Variants in MCM7 observed in about 807,000 individuals in gnomAD.
MCM7 encodes the protein minichromosome maintenance complex component 7.
MCM7 carries 95 observed loss-of-function variants against 83.5 expected under a neutral mutation model. The observed-to-expected ratio is 1.14, with a 90% CI of 0.96 to 1.35. MCM7 has a LOEUF of 1.35. MCM7 is among the 40% of genes most tolerant of loss of function. The pLI, the probability that MCM7 is intolerant of heterozygous loss-of-function variation, is 0.00. For missense variants in MCM7, 1,087 were observed against 957.4 expected (o/e 1.14, Z -1.79); for synonymous variants, 461 against 352.7 (o/e 1.31, Z -3.44).
rs760946801 is a variant in MCM7, at chr7:100,098,755, G to T, written c.583-40C>A. 3.7e-6 allele frequency: 6 copies of T among 1,610,936 alleles called. No individual in the cohort carries two copies. In the East Asian group the frequency reaches 1.1e-4, roughly 30 times the overall value. ...CAGAAACACCAAAGGAACTCAGAAG[G>T]AAAAGAGCCCCATTGGGTCGGTCCT... On this transcript the variant is annotated intron_variant, in intron 5 of 14. Transcript: ENST00000303887.
rs1795492251 is a variant in MCM7, at chr7:100,094,171, A to G, written c.1848+2T>C. 6.2e-7 allele frequency: 1 copy of G among 1,614,074 alleles called. No individual in the cohort carries two copies. The highest frequency in any genetic ancestry group is 1.3e-5 in the African/African-American group (1 of 74,944). ...TGGCCCTCCAGCAATTTGGGCACTT[A>G]CCAGAGCAGTGGAAAGGCGCAGGAT... On this transcript the variant is annotated splice_donor_variant, in intron 13 of 14. Transcript: ENST00000303887. LOFTEE classifies it high-confidence loss of function.
chr7:100,096,883 A>T (rs1206377409), intron 10 of MCM7, among the ~76,000 whole-genome samples: 2 of 152,232 alleles, frequency 1.3e-5, no homozygotes, highest in East Asian at 3.8e-4. Context: ...CGGGCGGATC[A>T]CGAGGTCAGG....
At chr7:100,095,125 G>A (rs117088758) in intron 12 of MCM7, among the ~76,000 whole-genome samples, 6,072 of 152,312 alleles carry the variant, frequency 0.04, 125 homozygotes, top group Middle Eastern at 0.068. Flanking sequence ...GTTGCAGAGA[G>A]CTGAGATCAC....
Position 100,092,841 on chromosome 7 carries a change from C to T in MCM7, c.*91G>A. Reference sequence around the variant, plus strand: ...AAGTGCAGCATGGGAGAAAGAGGGGCTCCTCCTTCCCCTCAAAGGCATCAC... The same window carrying T: ...AAGTGCAGCATGGGAGAAAGAGGGGTTCCTCCTTCCCCTCAAAGGCATCAC... On this transcript the variant is annotated 3_prime_UTR_variant, in exon 15 of 15. Coordinates refer to ENST00000303887, the MANE Select transcript of MCM7 (RefSeq NM_005916.5). 7 of 1,325,458 alleles carry T rather than the reference C, an allele frequency of 5.3e-6. No individual in the cohort carries two copies. The highest frequency in any genetic ancestry group is 7.5e-6 in the Non-Finnish European group (7 of 927,544). 82.1% of individuals were successfully genotyped at this position (1,325,458 alleles called of 1,614,324 possible).
chr7:100,098,752 A>C (rs749381623), intron 5 of MCM7, 37 bp from the exon 6 acceptor site: 2 of 1,611,536 alleles, frequency 1.2e-6, no homozygotes, highest in South Asian at 2.2e-5. Context: ...AGGAACTCAG[A>C]AGGAAAAGAG....
rs759155270 is a variant in MCM7, at chr7:100,099,592, C to T, written c.273G>A (p.Arg91=). 12 of 1,613,878 alleles carry T rather than the reference C, an allele frequency of 7.4e-6. No homozygotes were observed. The highest frequency in any genetic ancestry group is 1.0e-5 in the Non-Finnish European group (12 of 1,179,990). Reference sequence around the variant, plus strand: ...CCATTGTTCTCTAACCACTCACTTCCCTCTCCTTGTACTGAGGCAGCAGCT... The same window carrying T: ...CCATTGTTCTCTAACCACTCACTTCTCTCTCCTTGTACTGAGGCAGCAGCT... ...VQELLPQYKE[R]EVVNKDVLDV... The change falls in exon 3 of 15, where the codon AGG becomes AGA. Residue 91 remains arginine, a synonymous_variant. Transcript: ENST00000303887.
intron 1 of MCM7, 199 bp downstream of exon 1, chr7:100,101,065 C>G: frequency 1.4e-6 from 1 of 740,104 alleles, no homozygotes; most frequent in Non-Finnish European, 2.2e-6. Flanking sequence ...GGATTACTAG[C>G]TTTTCTTCAA....
intron 11 of MCM7, 64 bp downstream of exon 11, chr7:100,095,710 C>A (rs1031118823): frequency 4.0e-6 from 6 of 1,501,612 alleles, no homozygotes; most frequent in African/African-American, 2.8e-5. Flanking sequence ...TTCTGATTCA[C>A]CTCTCCTCCT....
rs2307352 is a variant in MCM7, at chr7:100,093,255, A to C, written c.1958+37T>G. 14,991 of 1,604,020 alleles carry C rather than the reference A, an allele frequency of 9.3e-3. 124 individuals carry two copies. Among genetic ancestry groups the C allele is most frequent in the South Asian group, 0.022 (2,038 of 90,914 alleles). On this transcript the variant is annotated intron_variant, in intron 14 of 14. Coordinates refer to ENST00000303887, the MANE Select transcript of MCM7 (RefSeq NM_005916.5). ...CCTCAGACACATGGCCACAGAAGAC[A>C]AAGTGACACAGCTTTGTCCTTCACT...
At chr7:100,100,337 T>C in intron 1 of MCM7, 3 of 1,179,242 alleles carry the variant, frequency 2.5e-6, no homozygotes, top group Non-Finnish European at 3.2e-6. Flanking sequence ...CGGTCCCTAC[T>C]TTAGTTTAAA....
rs777649347 is a variant in MCM7 at position 100,095,813 on chromosome 7, C to T, written c.1556G>A (p.Trp519Ter). Reference protein sequence around the residue: ...AALLSRFDLLWLIQDRPDRDN... With the variant: ...AALLSRFDLL Reference sequence around the variant, plus strand: ...TCGGTCGGGCCGGTCCTGAATCAGCCAGAGGAGGTCAAACCGGGAGAGCAG... The same window carrying T: ...TCGGTCGGGCCGGTCCTGAATCAGCTAGAGGAGGTCAAACCGGGAGAGCAG... The change falls in exon 11 of 15, where the codon TGG becomes TAG. Residue 519 changes from tryptophan (W) to a stop codon, truncating the protein, a stop_gained. Coordinates refer to ENST00000303887, the MANE Select transcript of MCM7 (RefSeq NM_005916.5). LOFTEE classifies it high-confidence loss of function. 1.2e-6 allele frequency: 2 copies of T among 1,603,664 alleles called. No individual in the cohort carries two copies. The highest frequency in any genetic ancestry group is 1.7e-6 in the Non-Finnish European group (2 of 1,175,546).
intron 12 of MCM7, among the ~76,000 whole-genome samples, 170 bp downstream of exon 12, chr7:100,095,217 A>G (rs1416604709): frequency 2.6e-5 from 4 of 152,224 alleles, no homozygotes; most frequent in Non-Finnish European, 4.4e-5. Flanking sequence ...CTGTGTCCCT[A>G]TGATATGAAG....
chr7:100,099,904 C>T, intron 2 of MCM7, 110 bp downstream of exon 2: 1 of 1,427,298 alleles, frequency 7.0e-7, no homozygotes, highest in South Asian at 1.2e-5. Flanking sequence ...ACTCGCTTTT[C>T]AGCCCTCAAA....
At position 100,099,420 on chromosome 7, in the gene MCM7, A is replaced by AAAAAAAAAAAAAAAAAAAAAAAAAAAAC; in HGVS notation, c.277-18_277-17insGTTTTTTTTTTTTTTTTTTTTTTTTTTT. ...ATTTACCACCTAAAGGAGAAGAACA[A>AAAAAAAAAAAAAAAAAAAAAAAAAAAAC]AAAAAAAAAAAAAAAAGAGCAACAG... On this transcript the variant is annotated splice_polypyrimidine_tract_variant and intron_variant, in intron 3 of 14. Transcript: ENST00000303887. The AAAAAAAAAAAAAAAAAAAAAAAAAAAAC allele has an allele frequency of 1.2e-6, 1 of 804,378 alleles. No individual in the cohort carries two copies. Among genetic ancestry groups the AAAAAAAAAAAAAAAAAAAAAAAAAAAAC allele is most frequent in the Non-Finnish European group, 1.8e-6 (1 of 549,404 alleles). The allele number at this position is 804,378 out of a possible 1,614,324, so 49.8% of individuals were successfully genotyped here. A position where few individuals can be genotyped will look rare whatever the true frequency, so the allele number is the denominator to read the frequency against.
rs775630819 is a variant in MCM7 at position 100,097,915 on chromosome 7, G to A, written c.904C>T (p.Arg302Trp). Residue 302 changes from arginine to tryptophan, a missense_variant, in exon 8 of 15, where the codon CGG (arginine) becomes TGG (tryptophan). Transcript: ENST00000303887. Reference sequence around the variant, plus strand: ...TCACTCTTGTTCATCTTCACAATCCGATGGGCTTCCAGGTAGGTTTCTGAG... The same window carrying A: ...TCACTCTTGTTCATCTTCACAATCCAATGGGCTTCCAGGTAGGTTTCTGAG... ...LLSETYLEAH[R>W]IVKMNKSEDD... is the part of the protein sequence containing the mutation. 16 of 1,614,006 alleles carry A rather than the reference G, an allele frequency of 9.9e-6. No individual in the cohort carries two copies. Among genetic ancestry groups the A allele is most frequent in the South Asian group, 9.9e-5 (9 of 91,080 alleles).
chr7:100,099,447 A>T (rs759206474), intron 3 of MCM7, 44 bp from the exon 4 acceptor site: 3 of 1,582,178 alleles, frequency 1.9e-6, no homozygotes, highest in Non-Finnish European at 2.6e-6. Context: ...GAGCAACAGG[A>T]TGGGGAAAGG....
At chr7:100,095,264 T>C (rs1795557928) in intron 12 of MCM7, 123 bp downstream of exon 12, 14 of 836,364 alleles carry the variant, frequency 1.7e-5, no homozygotes, top group Non-Finnish European at 2.8e-5. Context: ...TCTGAGGCTC[T>C]GGACATGTCT....
chr7:100,096,312 T>C (rs1271907625), intron 10 of MCM7, 145 bp from the exon 11 acceptor site: 10 of 752,656 alleles, frequency 1.3e-5, no homozygotes, highest in African/African-American at 3.5e-5. Context: ...CCCGAGGATC[T>C]GTGGGGCACT....
chr7:100,094,878 C>A (rs577486517), intron 12 of MCM7, among the ~76,000 whole-genome samples: 1 of 152,144 alleles, frequency 6.6e-6, no homozygotes, highest in Non-Finnish European at 1.5e-5. Flanking sequence ...ATTTCATATA[C>A]AACTGATACA....
Sources: gnomAD v4.1 joint callset for allele counts (sites outside exome capture counted in the v4.1 genomes callset) on GRCh38, gnomAD v4.1.1 for gene constraint, MANE v1.5 for transcripts, NCBI Gene and HGNC (gene_info 2026-07-23, HGNC 2026-07-21) for gene names.